MYOF: variants seen among roughly 807,000 people sequenced by gnomAD.
MYOF encodes myoferlin.
Under a neutral mutation model 284.2 loss-of-function variants are expected in MYOF, and 244 were observed. The observed-to-expected ratio is 0.86, with a 90% CI of 0.77 to 0.95. The LOEUF (loss-of-function observed/expected upper bound fraction) is 0.95, where lower values mean the gene tolerates loss of function less well. MYOF is among the 40% of genes least tolerant of loss of function. The probability of loss-of-function intolerance (pLI) is 0.00; values close to 1 mark genes in which losing one functional copy is unlikely to be tolerated. For synonymous variants in MYOF, 904 were observed against 919.7 expected (o/e 0.98, Z 0.31); for missense variants, 2,496 against 2,560.6 (o/e 0.97, Z 0.54).
At chr10:93,444,483 T>C (rs563226191) in intron 3 of MYOF, among the ~76,000 whole-genome samples, 296 of 152,326 alleles carry the variant, frequency 1.9e-3, no homozygotes, top group African/African-American at 7.0e-3. Flanking sequence ...AATTCTAGCA[T>C]GTATTTGCTC....
At chr10:93,350,663 A>G (rs1378698345) in intron 35 of MYOF, among the ~76,000 whole-genome samples, 1 of 152,180 alleles carries the variant, frequency 6.6e-6, no homozygotes, top group East Asian at 1.9e-4. Flanking sequence ...TTTCGAAGTG[A>G]TAGCCTCAGC....
Position 93,379,994 on chromosome 10 carries a change from T to C in MYOF, c.1877-7A>G, listed in dbSNP as rs747961489. The C allele has an allele frequency of 6.2e-7, 1 of 1,612,372 alleles. No individual in the cohort carries two copies. The highest frequency in any genetic ancestry group is 1.3e-5 in the African/African-American group (1 of 74,906). Reference sequence around the variant, plus strand: ...AAGTAATAATAGTAGTTGCCTGGTATAAAACATTGGGGGTCAATGAACACT... The same window carrying C: ...AAGTAATAATAGTAGTTGCCTGGTACAAAACATTGGGGGTCAATGAACACT... On this transcript the variant is annotated splice_region_variant and splice_polypyrimidine_tract_variant and intron_variant, in intron 20 of 53. Coordinates refer to ENST00000359263, the MANE Select transcript of MYOF (RefSeq NM_013451.4).
At chr10:93,438,471 G>C (rs1014069671) in intron 3 of MYOF, among the ~76,000 whole-genome samples, 2 of 152,080 alleles carry the variant, frequency 1.3e-5, no homozygotes, top group African/African-American at 4.8e-5. Context: ...GCACTTGCCC[G>C]CCCACCCTCA....
intron 1 of MYOF, among the ~76,000 whole-genome samples, chr10:93,459,921 G>A (rs182004063): frequency 3.9e-5 from 6 of 152,276 alleles, no homozygotes; most frequent in South Asian, 2.1e-4. Flanking sequence ...CGGGGCTTGG[G>A]GGGGTGGAGA....
At chr10:93,405,884 G>T (rs867029986) in intron 7 of MYOF, among the ~76,000 whole-genome samples, 2 of 141,500 alleles carry the variant, frequency 1.4e-5, no homozygotes, top group Non-Finnish European at 3.0e-5. Flanking sequence ...TGTAACCTCC[G>T]CCTCCAGGCT....
Position 93,408,845 on chromosome 10 carries a change from A to T in MYOF, c.671T>A (p.Val224Asp), listed in dbSNP as rs191351447. ...TCTTGTTCGGTGTGTCTGGCCACAG[A>T]CGTGAACTTTGACCACAGGCCTTAT... ...NNIRPVVKVH[V>D]CGQTHRTRIK... The change falls in exon 7 of 54, where the codon GTC becomes GAC. Residue 224 changes from valine (V) to aspartate (D), a missense_variant. This residue lies in a region of MYOF where 2,436 missense variants were observed against 2,480.7 expected (regional missense o/e 0.98). Transcript: ENST00000359263. The T allele has an allele frequency of 6.2e-6, 10 of 1,614,170 alleles. No homozygotes were observed. Among genetic ancestry groups the T allele is most frequent in the East Asian group, 4.5e-5 (2 of 44,884 alleles).
intron 16 of MYOF, 25 bp downstream of exon 16, chr10:93,396,117 G>C (rs1174925007): frequency 6.4e-7 from 1 of 1,561,044 alleles, no homozygotes; most frequent in Non-Finnish European, 8.8e-7. Flanking sequence ...ATCCAGTCTT[G>C]TTCTAGATCT....
rs191713681 is a variant in MYOF at position 93,316,785 on chromosome 10, T to G, written c.5627A>C (p.Glu1876Ala). Residue 1876 changes from glutamate (E) to alanine (A), a missense_variant, in exon 50 of 54, where the codon GAA becomes GCA. Coordinates refer to ENST00000359263, the MANE Select transcript of MYOF (RefSeq NM_013451.4). ...KEHFWSIDQT[E>A]FRIPPRLIIQ... ...GATCAGCCTGGGTGGGATTCGAAAT[T>G]CCGTTTGGTCAATACTCCAGAAATG... The G allele has an allele frequency of 7.3e-5, 117 of 1,613,756 alleles. No individual in the cohort carries two copies. The African/African-American group carries it at 1.3e-3, about 18-fold the overall frequency.
chr10:93,322,949 C>A (rs1842900556), intron 48 of MYOF, 129 bp downstream of exon 48: 5 of 891,812 alleles, frequency 5.6e-6, no homozygotes, highest in Non-Finnish European at 7.3e-6. Context: ...CTAAGTAGAT[C>A]ACATTAATGA....
rs112415385 is a variant in MYOF at position 93,308,797 on chromosome 10, C to T, written c.6147+1223G>A. ...TGTGGTCTCAGCTCACTGCAACCTC[C>T]GCCTCCCAGGTTCAAGCAATTATCC... On this transcript the variant is annotated intron_variant, in intron 53 of 53. Transcript: ENST00000359263. 5.0e-3 allele frequency among the ~76,000 whole-genome samples: 755 copies of T among 151,834 alleles called. 8 individuals are homozygous for T. Among genetic ancestry groups the T allele is most frequent in the African/African-American group, 0.017 (722 of 41,444 alleles).
intron 27 of MYOF, 74 bp from the exon 28 acceptor site, chr10:93,361,631 G>T: frequency 2.2e-6 from 3 of 1,371,308 alleles, no homozygotes; most frequent in Non-Finnish European, 2.0e-6. Flanking sequence ...GTCCAATATA[G>T]TTCCTCATTT....
intron 5 of MYOF, among the ~76,000 whole-genome samples, chr10:93,413,692 A>T (rs537407159): frequency 6.6e-6 from 1 of 152,344 alleles, no homozygotes; most frequent in African/African-American, 2.4e-5. Flanking sequence ...TTAAAACAAT[A>T]GAAATGTATT....
At chr10:93,440,609 C>G (rs1163662693) in intron 3 of MYOF, among the ~76,000 whole-genome samples, 1 of 152,150 alleles carries the variant, frequency 6.6e-6, no homozygotes, top group African/African-American at 2.4e-5. Flanking sequence ...ATGGAGTACC[C>G]CCAGTGTCTA....
intron 19 of MYOF, among the ~76,000 whole-genome samples, chr10:93,387,414 T>C (rs701854): frequency 0.42 from 63,120 of 152,056 alleles, 13,879 homozygotes; most frequent in Middle Eastern, 0.56. Context: ...TTCACAGCCA[T>C]TGCAGTGTGG....
intron 1 of MYOF, among the ~76,000 whole-genome samples, chr10:93,480,631 A>G (rs987910696): frequency 7.9e-5 from 12 of 151,796 alleles, no homozygotes; most frequent in African/African-American, 2.9e-4. Context: ...ATGTGCCACC[A>G]TGCCCGGCTA....
chr10:93,435,337 T>G (rs1331167468), intron 3 of MYOF, among the ~76,000 whole-genome samples: 4 of 152,210 alleles, frequency 2.6e-5, no homozygotes, highest in Non-Finnish European at 5.9e-5. Flanking sequence ...TCAGCACTAC[T>G]GACATTTTGA....
chr10:93,481,398 C>T (rs2057379654), intron 1 of MYOF, among the ~76,000 whole-genome samples: 2 of 152,080 alleles, frequency 1.3e-5, no homozygotes, highest in Non-Finnish European at 2.9e-5. Context: ...CTTGTCTAAA[C>T]CCTTCTCGCC....
Position 93,359,838 on chromosome 10 carries a change from C to T in MYOF, c.3115G>A (p.Ala1039Thr), listed in dbSNP as rs973303600. Residue 1039 changes from alanine to threonine, a missense_variant, in exon 29 of 54, where the codon GCA (alanine) becomes ACA (threonine). Physicochemically the swap from Ala to Thr is moderately conservative, Grantham distance 58. Transcript: ENST00000359263. ...KDLTQTASST[A>T]RAMEELQDQE... Reference sequence around the variant, plus strand: ...CCTTCCCTTGCTTCTCTTACCCTTGCGGTGCTTGAAGCAGTCTGTGTTAAA... The same window carrying T: ...CCTTCCCTTGCTTCTCTTACCCTTGTGGTGCTTGAAGCAGTCTGTGTTAAA... 13 of 1,613,996 alleles carry T rather than the reference C, an allele frequency of 8.1e-6. No individual in the cohort carries two copies. The highest frequency in any genetic ancestry group is 2.2e-5 in the East Asian group (1 of 44,898).
At chr10:93,380,399 C>A (rs1377638223) in intron 20 of MYOF, among the ~76,000 whole-genome samples, 1 of 152,144 alleles carries the variant, frequency 6.6e-6, no homozygotes, top group Non-Finnish European at 1.5e-5. Context: ...ATTTTCTGTT[C>A]TTGGAAAGCT....
Sources: allele counts gnomAD v4.1 joint callset (sites outside exome capture counted in the v4.1 genomes callset), GRCh38; gene constraint gnomAD v4.1.1; regional missense constraint gnomAD v4.1.1; transcripts MANE v1.5; gene names NCBI Gene and HGNC (gene_info 2026-07-23, HGNC 2026-07-21).